The following LDB2 variants were observed in gnomAD, a reference collection of about 807,000 sequenced individuals.
The protein encoded by LDB2 is LIM domain-binding protein 2.
Under a neutral mutation model 44.3 loss-of-function variants are expected in LDB2, and 12 were observed. The observed-to-expected ratio is 0.27, with a 90% CI of 0.17 to 0.44. The LOEUF (loss-of-function observed/expected upper bound fraction) is 0.44, where lower values mean the gene tolerates loss of function less well. Ranked by LOEUF, LDB2 falls within the 20% of genes least tolerant of loss-of-function variation. LDB2 has a pLI of 1.00. For missense variants in LDB2, 344 were observed against 473.5 expected (o/e 0.73, Z 2.54); for synonymous variants, 164 against 174.8 (o/e 0.94, Z 0.49).
At chr4:16,586,523 CACAA>C (rs1299897949) in intron 4 of LDB2, among the ~76,000 whole-genome samples, 1 of 82,184 alleles carries the variant, frequency 1.2e-5, no homozygotes, top group African/African-American at 4.8e-5. Flanking sequence ...CACACACACA[CACAA>C]AACACACACA....
chr4:16,647,778 G>A (rs1288377969), intron 2 of LDB2, among the ~76,000 whole-genome samples: 1 of 152,094 alleles, frequency 6.6e-6, no homozygotes, highest in Non-Finnish European at 1.5e-5. Context: ...CACCATGTAG[G>A]TGAATTCCTA....
chr4:16,820,768 A>G (rs905823839), intron 1 of LDB2, among the ~76,000 whole-genome samples: 4 of 152,210 alleles, frequency 2.6e-5, no homozygotes, highest in African/African-American at 9.7e-5. Context: ...AAAACAGAGA[A>G]CAGAAGGAAA....
intron 6 of LDB2, among the ~76,000 whole-genome samples, chr4:16,509,205 A>T (rs112404522): frequency 1.3e-5 from 2 of 152,158 alleles, no homozygotes; most frequent in Non-Finnish European, 2.9e-5. Context: ...ACCCACCTCT[A>T]TTATACCTTT....
chr4:16,819,304 C>T (rs1157190654), intron 1 of LDB2, among the ~76,000 whole-genome samples: 19 of 151,854 alleles, frequency 1.3e-4, no homozygotes, highest in Admixed American at 1.2e-3. Context: ...TAATTCATTT[C>T]GAACAAGACC....
At chr4:16,723,671 C>T (rs573221561) in intron 2 of LDB2, among the ~76,000 whole-genome samples, 4 of 152,104 alleles carry the variant, frequency 2.6e-5, no homozygotes, top group Non-Finnish European at 5.9e-5. Context: ...CCTGGAGCCA[C>T]GTGGACCTTC....
chr4:16,729,123 C>T (rs184804420), intron 2 of LDB2, among the ~76,000 whole-genome samples: 2 of 152,286 alleles, frequency 1.3e-5, no homozygotes, highest in East Asian at 3.9e-4. Flanking sequence ...GTCTTTGCCT[C>T]GCAGAAAACT....
At chr4:16,556,201 C>G (rs1437969990) in intron 5 of LDB2, among the ~76,000 whole-genome samples, 1 of 152,208 alleles carries the variant, frequency 6.6e-6, no homozygotes, top group Non-Finnish European at 1.5e-5. Flanking sequence ...TTTGTGACAT[C>G]ACTTCACCCA....
At chr4:16,837,835 T>C (rs945870679) in intron 1 of LDB2, among the ~76,000 whole-genome samples, 9 of 152,226 alleles carry the variant, frequency 5.9e-5, no homozygotes, top group Admixed American at 5.2e-4. Context: ...TAAACTTTGG[T>C]ATGATATGTT....
In LDB2 at chr4:16,887,221, A is replaced by G. The variant is rs1336450002; in HGVS notation, c.132+11133T>C. Among the ~76,000 whole-genome samples the G allele has an allele frequency of 7.0e-5, 8 of 113,590 alleles. No individual in the cohort carries two copies. The East Asian group carries it at 1.2e-3, about 17-fold the overall frequency. The allele number at this position is 113,590 out of a possible 152,430, so 74.5% of individuals were successfully genotyped here. On this transcript the variant is annotated intron_variant, in intron 1 of 7. Transcript: ENST00000304523. ...AGTGACAGGAGAGTGCTAAGACTTG[A>G]AAAAAAAAAAAAAGAAAAAGAATAA...
At chr4:16,543,529 A>G (rs1224591262) in intron 5 of LDB2, among the ~76,000 whole-genome samples, 1 of 152,186 alleles carries the variant, frequency 6.6e-6, no homozygotes, top group African/African-American at 2.4e-5. Flanking sequence ...GCCAGTGATG[A>G]TGAGCATTTT....
At chr4:16,833,920 C>T (rs1412948429) in intron 1 of LDB2, among the ~76,000 whole-genome samples, 1 of 152,186 alleles carries the variant, frequency 6.6e-6, no homozygotes, top group Non-Finnish European at 1.5e-5. Context: ...ACCCCTAGAT[C>T]TTTGTACTTG....
intron 5 of LDB2, among the ~76,000 whole-genome samples, chr4:16,530,459 G>A (rs1023889002): frequency 2.0e-5 from 3 of 152,182 alleles, no homozygotes; most frequent in Non-Finnish European, 4.4e-5. Flanking sequence ...GCAAATATCA[G>A]TTTGCCCAGC....
intron 2 of LDB2, among the ~76,000 whole-genome samples, chr4:16,660,996 T>G (rs2152540088): frequency 6.6e-6 from 1 of 152,312 alleles, no homozygotes; most frequent in South Asian, 2.1e-4. Flanking sequence ...AGATTTAAAT[T>G]TAATTCCCTG....
chr4:16,666,990 A>G (rs1743440753), intron 2 of LDB2, among the ~76,000 whole-genome samples: 1 of 152,058 alleles, frequency 6.6e-6, no homozygotes, highest in African/African-American at 2.4e-5. Context: ...TGATTAGTTA[A>G]CCTCCTGAAC....
At chr4:16,749,592 AT>A (rs1561092177) in intron 2 of LDB2, among the ~76,000 whole-genome samples, 262 of 133,268 alleles carry the variant, frequency 2.0e-3, no homozygotes, top group African/African-American at 7.8e-3. Context: ...AAAAAAAAAT[AT>A]ATATATATAT....
chr4:16,740,552 C>T (rs1379398965), intron 2 of LDB2, among the ~76,000 whole-genome samples: 2 of 152,218 alleles, frequency 1.3e-5, no homozygotes, highest in East Asian at 3.9e-4. Context: ...CAGGTACTAC[C>T]TCATGAACTT....
intron 2 of LDB2, among the ~76,000 whole-genome samples, chr4:16,628,772 T>A (rs919332811): frequency 1.3e-5 from 2 of 151,974 alleles, no homozygotes; most frequent in South Asian, 4.1e-4. Context: ...GTGCAGCCCA[T>A]GGAGGGTGAG....
chr4:16,759,386 G>A (rs896452429), intron 1 of LDB2, 126 bp from the exon 2 acceptor site: 2 of 678,168 alleles, frequency 2.9e-6, no homozygotes, highest in South Asian at 1.8e-5. Context: ...GTGTGTAGGT[G>A]TTCTAGGAAA....
chr4:16,714,335 T>A (rs1354231225), intron 2 of LDB2, among the ~76,000 whole-genome samples: 2 of 152,204 alleles, frequency 1.3e-5, no homozygotes, highest in African/African-American at 2.4e-5. Context: ...GCTAGCTGGA[T>A]GTGAGGAATC....
Sources: gnomAD v4.1 joint callset for allele counts (sites outside exome capture counted in the v4.1 genomes callset) on GRCh38, gnomAD v4.1.1 for gene constraint, MANE v1.5 for transcripts, NCBI Gene and HGNC (gene_info 2026-07-23, HGNC 2026-07-21) for gene names.